The following RBFOX1 variants were observed in gnomAD, a reference collection of about 807,000 sequenced individuals.
RBFOX1 encodes the protein RNA binding protein fox-1 homolog 1.
RBFOX1 carries 8 observed loss-of-function variants against 57.7 expected under a neutral mutation model. The ratio of observed to expected loss-of-function variants is 0.14; its 90% CI spans 0.08 to 0.25. RBFOX1 has a LOEUF of 0.25. RBFOX1 is among the 10% of genes least tolerant of loss of function. The probability of loss-of-function intolerance (pLI) is 1.00; values close to 1 mark genes in which losing one functional copy is unlikely to be tolerated. For missense variants in RBFOX1, 611 were observed against 548.5 expected, an observed-to-expected ratio of 1.11 and a Z score of -1.14; for synonymous variants, 326 against 222.4, an observed-to-expected ratio of 1.47 and a Z score of -4.15.
chr16:6,410,850 A>G (rs979873265), intron 2 of RBFOX1, among the ~76,000 whole-genome samples: 1 of 152,214 alleles, frequency 6.6e-6, no homozygotes, highest in Admixed American at 6.5e-5. Flanking sequence ...ACCATTCGGC[A>G]TAAGTCACTT....
At chr16:5,461,428 A>T (rs1597159049) in intron 1 of RBFOX1, among the ~76,000 whole-genome samples, 1 of 151,968 alleles carries the variant, frequency 6.6e-6, no homozygotes, top group South Asian at 2.1e-4. Flanking sequence ...GCTGGCAGGG[A>T]GGGCAGGCAC....
At chr16:6,091,309 A>T (rs1239218842) in intron 1 of RBFOX1, among the ~76,000 whole-genome samples, 2 of 152,172 alleles carry the variant, frequency 1.3e-5, no homozygotes, top group African/African-American at 2.4e-5. Flanking sequence ...TGAAGTCTTT[A>T]AAAGCTATTT....
At chr16:5,427,332 C>A (rs1011872931) in intron 1 of RBFOX1, among the ~76,000 whole-genome samples, 15 of 152,168 alleles carry the variant, frequency 9.9e-5, no homozygotes, top group African/African-American at 3.6e-4. Context: ...TGCCTTTAAT[C>A]CCAGCACTTT....
At chr16:7,331,179 A>G (rs983585558) in intron 4 of RBFOX1, among the ~76,000 whole-genome samples, 1 of 152,204 alleles carries the variant, frequency 6.6e-6, no homozygotes, top group African/African-American at 2.4e-5. Context: ...AGTGTAGTGT[A>G]AAAACACCTT....
chr16:7,216,612 C>T (rs994476870), intron 4 of RBFOX1, among the ~76,000 whole-genome samples: 6 of 152,054 alleles, frequency 3.9e-5, no homozygotes, highest in African/African-American at 7.2e-5. Context: ...GAGCCCAGAT[C>T]GTACCGCTGT....
intron 14 of RBFOX1, among the ~76,000 whole-genome samples, chr16:7,703,150 G>A (rs769879969): frequency 5.9e-5 from 9 of 152,220 alleles, no homozygotes; most frequent in Non-Finnish European, 1.3e-4. Flanking sequence ...TACGGTAAGT[G>A]TGCGACTTGC....
At chr16:6,142,885 C>T (rs1249839825) in intron 1 of RBFOX1, among the ~76,000 whole-genome samples, 1 of 152,178 alleles carries the variant, frequency 6.6e-6, no homozygotes, top group Non-Finnish European at 1.5e-5. Context: ...CCTCAAAATT[C>T]CCCTGATGTT....
At chr16:7,022,520 G>T (rs570622766) in intron 3 of RBFOX1, among the ~76,000 whole-genome samples, 5 of 152,148 alleles carry the variant, frequency 3.3e-5, no homozygotes, top group African/African-American at 1.2e-4. Flanking sequence ...CAGATTCCCT[G>T]TGAGGTCAGG....
At chr16:6,971,610 G>A (rs1009440977) in intron 3 of RBFOX1, among the ~76,000 whole-genome samples, 2 of 152,120 alleles carry the variant, frequency 1.3e-5, no homozygotes, top group African/African-American at 4.8e-5. Flanking sequence ...GGAATATGGT[G>A]TACTGATTGG....
intron 1 of RBFOX1, among the ~76,000 whole-genome samples, chr16:5,432,555 G>GTTTTT (rs1567502943): frequency 2.6e-5 from 2 of 75,580 alleles, no homozygotes; most frequent in Admixed American, 1.5e-4. Flanking sequence ...TTTTTTGTTT[G>GTTTTT]TTTGTTTTTT....
intron 2 of RBFOX1, among the ~76,000 whole-genome samples, chr16:5,579,294 C>T (rs181083273): frequency 4.7e-4 from 71 of 152,226 alleles, no homozygotes; most frequent in African/African-American, 1.6e-3. Context: ...TCTTGCCTCC[C>T]GTCCGTCACT....
chr16:6,431,732 T>C (rs2094092691), intron 2 of RBFOX1, among the ~76,000 whole-genome samples: 3 of 152,140 alleles, frequency 2.0e-5, no homozygotes, highest in Admixed American at 1.3e-4. Flanking sequence ...GGGGTGCTCC[T>C]GTAGTCCTGG....
intron 2 of RBFOX1, among the ~76,000 whole-genome samples, chr16:6,540,054 C>A (rs559765079): frequency 2.0e-5 from 3 of 152,112 alleles, no homozygotes; most frequent in Non-Finnish European, 4.4e-5. Flanking sequence ...CTGGGTAGGG[C>A]CTCACGTGAC....
chr16:7,569,181 GT>G (rs1382784186), intron 5 of RBFOX1, among the ~76,000 whole-genome samples: 2 of 152,258 alleles, frequency 1.3e-5, no homozygotes, highest in East Asian at 3.9e-4. Flanking sequence ...GCGTGCAATA[GT>G]TTTCTTTTGC....
chr16:7,045,200 G>C (rs1397614115), intron 3 of RBFOX1, among the ~76,000 whole-genome samples: 14 of 152,130 alleles, frequency 9.2e-5, no homozygotes, highest in Non-Finnish European at 1.5e-4. Context: ...CAAACAAAGG[G>C]GTTGGCAGTA....
chr16:6,796,669 G>T (rs78015323), intron 3 of RBFOX1, among the ~76,000 whole-genome samples: 4,254 of 152,098 alleles, frequency 0.028, 194 homozygotes, highest in South Asian at 0.15. Flanking sequence ...TCTTAAATAT[G>T]TACAGATGTT....
chr16:5,787,289 C>G (rs1309599077), intron 3 of RBFOX1, among the ~76,000 whole-genome samples: 2 of 152,176 alleles, frequency 1.3e-5, no homozygotes, highest in Admixed American at 6.5e-5. Flanking sequence ...ATCTGTTCAT[C>G]ATAAGCATCA....
At chr16:5,350,000 A>T (rs1014823016) in intron 1 of RBFOX1, among the ~76,000 whole-genome samples, 2 of 152,226 alleles carry the variant, frequency 1.3e-5, no homozygotes, top group African/African-American at 4.8e-5. Flanking sequence ...CTGCTGATGT[A>T]CACTTCACAG....
chr16:5,994,821 G>C (rs192159766), intron 4 of RBFOX1, among the ~76,000 whole-genome samples: 1 of 152,136 alleles, frequency 6.6e-6, no homozygotes, highest in South Asian at 2.1e-4. Context: ...CTATATTTCA[G>C]GGCCTAGCAA....
Sources: allele counts gnomAD v4.1 joint callset (sites outside exome capture counted in the v4.1 genomes callset), GRCh38; gene constraint gnomAD v4.1.1; transcripts MANE v1.5; gene names NCBI Gene and HGNC (gene_info 2026-07-23, HGNC 2026-07-21).